GPRC6A: variants seen among roughly 807,000 people sequenced by gnomAD.
GPRC6A encodes G protein-coupled receptor class C group 6 member A.
GPRC6A carries 54 observed loss-of-function variants against 47.0 expected under a neutral mutation model. That is an observed-to-expected ratio of 1.15 (90% confidence interval 0.92 to 1.44). The LOEUF is 1.44. Among genes scored for constraint, GPRC6A ranks in the 40% most tolerant of loss-of-function variants. The pLI is 0.00. For synonymous variants in GPRC6A, 347 were observed against 377.1 expected (o/e 0.92, Z 0.93); for missense variants, 1,112 against 1,105.5 (o/e 1.01, Z -0.08).
In GPRC6A at chr6:116,792,520, G is replaced by A. The variant is rs759181148; in HGVS notation, c.2403C>T (p.Ile801=). Residue 801 remains isoleucine (I), a synonymous_variant, in exon 6 of 6, where the codon ATC becomes ATT. Coordinates refer to ENST00000310357, the MANE Select transcript of GPRC6A (RefSeq NM_148963.4). Reference sequence around the variant, plus strand: ...CATATTTGCCAAATGTGGTAGCATAGATAGGGATGAATGTGATCCAAGCTA... The same window carrying A: ...CATATTTGCCAAATGTGGTAGCATAAATAGGGATGAATGTGATCCAAGCTA... The part of the protein sequence containing the change: ...YFIAWITFIP[I]YATTFGKYVP... 54 of 1,613,766 alleles carry A rather than the reference G, an allele frequency of 3.3e-5. No individual in the cohort carries two copies. In the Admixed American group the frequency reaches 9.0e-4, roughly 27 times the overall value.
At chr6:116,801,026 A>G (rs557349172) in intron 3 of GPRC6A, among the ~76,000 whole-genome samples, 3 of 152,296 alleles carry the variant, frequency 2.0e-5, no homozygotes, top group African/African-American at 7.2e-5. Flanking sequence ...TTGGGAAAGC[A>G]AGTTAATTTC....
intron 1 of GPRC6A, among the ~76,000 whole-genome samples, chr6:116,816,625 C>A (rs1200702228): frequency 6.6e-6 from 1 of 152,208 alleles, no homozygotes; most frequent in Non-Finnish European, 1.5e-5. Flanking sequence ...ATCTGAGGTA[C>A]CGGGTTCATC....
chr6:116,827,082 G>A (rs945659621), intron 1 of GPRC6A, among the ~76,000 whole-genome samples: 2 of 151,752 alleles, frequency 1.3e-5, no homozygotes, highest in Non-Finnish European at 1.5e-5. Context: ...ATAAAGAGAG[G>A]TAGGTTAGTG....
chr6:116,797,926 T>C (rs1325406303), intron 4 of GPRC6A, among the ~76,000 whole-genome samples: 1 of 152,248 alleles, frequency 6.6e-6, no homozygotes, highest in East Asian at 1.9e-4. Context: ...TATCTTGCTT[T>C]ACTAAAACTT....
At position 116,806,644 on chromosome 6, in the gene GPRC6A, A is replaced by C. The variant is rs757214725; in HGVS notation, c.1061T>G (p.Leu354Ter). 15 of 1,613,576 alleles carry C rather than the reference A, an allele frequency of 9.3e-6. No individual in the cohort carries two copies. In the East Asian group the frequency reaches 3.3e-4, roughly 36 times the overall value. ...AGATAAATGCATGGCATATTCATGT[A>C]AGAGTTTGTGACTGTCACTGGGAAG... is the stretch of plus-strand genomic sequence containing the variant. The part of the protein sequence containing the change: ...HLLPSDSHKL[L>*]HEYAMHLSAC... Residue 354 changes from leucine (L) to a stop codon, truncating the protein, a stop_gained, in exon 3 of 6, where the codon TTA becomes TGA. Transcript: ENST00000310357. LOFTEE classifies it high-confidence loss of function.
chr6:116,799,870 C>CTTGACCT (rs1461954166), intron 4 of GPRC6A, among the ~76,000 whole-genome samples: 1 of 152,070 alleles, frequency 6.6e-6, no homozygotes, highest in Non-Finnish European at 1.5e-5. Context: ...AGTGGAGGAG[C>CTTGACCT]TGACCTTGAC....
chr6:116,820,631 A>G lies in GPRC6A; in HGVS notation c.194+8189T>C, dbSNP rs909860307. Among the ~76,000 whole-genome samples, 128 of 151,338 alleles carry G rather than the reference A, an allele frequency of 8.5e-4. 1 individual carries two copies. The highest frequency in any genetic ancestry group is 1.4e-3 in the Non-Finnish European group (97 of 67,720). On this transcript the variant is annotated intron_variant, in intron 1 of 5. Transcript: ENST00000310357. ...ACCACATGATTATCTCAATAGATGCAGAAAAAGCCTTTGACAAAATTCAAC... is the reference window on the plus strand; with the variant it reads ...ACCACATGATTATCTCAATAGATGCGGAAAAAGCCTTTGACAAAATTCAAC...
intron 4 of GPRC6A, among the ~76,000 whole-genome samples, chr6:116,797,417 G>C (rs547524973): frequency 4.6e-5 from 7 of 152,212 alleles, no homozygotes; most frequent in African/African-American, 1.7e-4. Context: ...TGATGTTTTG[G>C]ACTATGAGTT....
At chr6:116,798,414 T>C (rs1056541008) in intron 4 of GPRC6A, among the ~76,000 whole-genome samples, 2 of 152,116 alleles carry the variant, frequency 1.3e-5, no homozygotes, top group South Asian at 4.1e-4. Context: ...GCCTGTGGGA[T>C]CGCAGGAGGG....
intron 1 of GPRC6A, among the ~76,000 whole-genome samples, chr6:116,821,388 G>A (rs1018384736): frequency 1.3e-5 from 2 of 152,016 alleles, no homozygotes; most frequent in African/African-American, 4.8e-5. Context: ...CCAAAAAAGA[G>A]CCCGCATCGC....
chr6:116,803,083 C>T (rs1424122490), intron 3 of GPRC6A, among the ~76,000 whole-genome samples: 3 of 152,016 alleles, frequency 2.0e-5, no homozygotes, highest in East Asian at 1.9e-4. Flanking sequence ...CCCACCAGAC[C>T]TCCACTTTTC....
In GPRC6A at chr6:116,806,534, C is replaced by G. The variant is rs1387638636; in HGVS notation, c.1171G>C (p.Ala391Pro). 1 of 1,613,482 alleles carries G rather than the reference C, an allele frequency of 6.2e-7. No homozygotes were observed. The highest frequency in any genetic ancestry group is 1.3e-5 in the African/African-American group (1 of 74,888). The stretch of plus-strand genomic sequence containing the variant: ...CTCATGACGAAGTTCCTTTCTATAG[C>G]CTTGTTAGCCTTGTAGGCCAAAGTC... ...QRTLAYKANK[A>P]IERNFVMRND... The change falls in exon 3 of 6, where the codon GCT (alanine) becomes CCT (proline). Residue 391 changes from alanine (A) to proline (P), a missense_variant. Ala to Pro is a conservative substitution (Grantham distance 27). Coordinates refer to ENST00000310357, the MANE Select transcript of GPRC6A (RefSeq NM_148963.4).
chr6:116,820,915 A>G (rs1254925106), intron 1 of GPRC6A, among the ~76,000 whole-genome samples: 1 of 152,102 alleles, frequency 6.6e-6, no homozygotes, highest in Non-Finnish European at 1.5e-5. Flanking sequence ...GAGGAAATCA[A>G]ATTGTCCCTG....
chr6:116,823,848 A>T (rs1439152661), intron 1 of GPRC6A, among the ~76,000 whole-genome samples: 1 of 152,088 alleles, frequency 6.6e-6, no homozygotes, highest in African/African-American at 2.4e-5. Flanking sequence ...ACATGGCCAG[A>T]TTAGGAGGAA....
intron 3 of GPRC6A, among the ~76,000 whole-genome samples, chr6:116,802,354 T>A (rs1286063080): frequency 6.6e-6 from 1 of 152,110 alleles, no homozygotes; most frequent in East Asian, 1.9e-4. Context: ...TTTAAAAAAA[T>A]TTTCATGGAG....
intron 1 of GPRC6A, among the ~76,000 whole-genome samples, chr6:116,816,962 G>T (rs888891979): frequency 6.6e-6 from 1 of 152,218 alleles, no homozygotes; most frequent in African/African-American, 2.4e-5. Context: ...GCTGGGGGAG[G>T]GGCGCCCGCC....
At chr6:116,795,422 C>T (rs934663193) in intron 5 of GPRC6A, among the ~76,000 whole-genome samples, 2 of 152,082 alleles carry the variant, frequency 1.3e-5, no homozygotes, top group African/African-American at 4.8e-5. Context: ...TGACAGAGAA[C>T]TTGCATCACT....
chr6:116,823,669 A>G (rs959307798), intron 1 of GPRC6A, among the ~76,000 whole-genome samples: 1 of 152,118 alleles, frequency 6.6e-6, no homozygotes, highest in African/African-American at 2.4e-5. Context: ...CCATTCTTGC[A>G]TTGAATAAAA....
intron 1 of GPRC6A, among the ~76,000 whole-genome samples, chr6:116,824,741 A>G (rs1193943447): frequency 6.6e-6 from 1 of 152,058 alleles, no homozygotes; most frequent in Non-Finnish European, 1.5e-5. Context: ...AACTCATTCT[A>G]TGAGGCCAGC....
Sources: gnomAD v4.1 joint callset for allele counts (sites outside exome capture counted in the v4.1 genomes callset) on GRCh38, gnomAD v4.1.1 for gene constraint, MANE v1.5 for transcripts, NCBI Gene and HGNC (gene_info 2026-07-23, HGNC 2026-07-21) for gene names.